The following ATXN1 variants were observed in gnomAD, a reference collection of about 807,000 sequenced individuals.
ATXN1 encodes the protein ataxin-1.
ATXN1 carries 8 observed loss-of-function variants against 56.4 expected under a neutral mutation model. That is an observed-to-expected ratio of 0.14 (90% CI 0.08 to 0.26). The LOEUF (loss-of-function observed/expected upper bound fraction) is 0.26, where lower values mean the gene tolerates loss of function less well. Among genes scored for constraint, ATXN1 ranks in the 10% least tolerant of loss-of-function variants. The pLI is 1.00. For synonymous variants in ATXN1, 514 were observed against 494.6 expected (o/e 1.04, Z -0.52); for missense variants, 987 against 1,106.5 (o/e 0.89, Z 1.53).
At chr6:16,513,777 T>C (rs1410065878) in intron 5 of ATXN1, among the ~76,000 whole-genome samples, 1 of 152,058 alleles carries the variant, frequency 6.6e-6, no homozygotes, top group African/African-American at 2.4e-5. Flanking sequence ...AAGGGTAGCC[T>C]AGGGCATGGG....
At chr6:16,714,188 CACACACA>C (rs777752117) in intron 2 of ATXN1, among the ~76,000 whole-genome samples, 21,555 of 123,580 alleles carry the variant, frequency 0.17, 1,952 homozygotes, top group Non-Finnish European at 0.22. Flanking sequence ...ACACCACACA[CACACACA>C]CACACACACA....
intron 5 of ATXN1, 120 bp from the exon 6 acceptor site, chr6:16,486,229 T>G (rs1410292379): frequency 1.3e-5 from 2 of 152,314 alleles, no homozygotes; most frequent in Middle Eastern, 3.4e-3. Context: ...CCAAAGACCA[T>G]TTTCTTAAAA....
At chr6:16,351,968 A>C (rs1045590499) in intron 6 of ATXN1, among the ~76,000 whole-genome samples, 6 of 152,230 alleles carry the variant, frequency 3.9e-5, no homozygotes, top group Non-Finnish European at 7.3e-5. Flanking sequence ...CTTTGCTAAA[A>C]TATAAATAAG....
intron 4 of ATXN1, among the ~76,000 whole-genome samples, chr6:16,555,292 G>C (rs1761990620): frequency 1.3e-5 from 2 of 152,134 alleles, no homozygotes; most frequent in Non-Finnish European, 2.9e-5. Context: ...AGCCCCATGT[G>C]AGGTGCTAGA....
chr6:16,675,546 A>G (rs1758642670), intron 2 of ATXN1, among the ~76,000 whole-genome samples: 1 of 152,144 alleles, frequency 6.6e-6, no homozygotes, highest in Non-Finnish European at 1.5e-5. Context: ...AGGAGCAGGG[A>G]AAGTTTTTTC....
At position 16,358,298 on chromosome 6, in the gene ATXN1, T is replaced by C. The variant is rs150887341; in HGVS notation, c.-160-29828A>G. On this transcript the variant is annotated intron_variant, in intron 6 of 7. Coordinates refer to ENST00000436367, the MANE Select transcript of ATXN1 (RefSeq NM_001128164.2). ...GTAGAACTACCATTTGATCCAACAA[T>C]CCCACTACTGGGTATCTACCCAGAG... Among the ~76,000 whole-genome samples, 637 of 152,186 alleles carry C rather than the reference T, an allele frequency of 4.2e-3. 5 individuals carry two copies. The highest frequency in any genetic ancestry group is 0.014 in the African/African-American group (582 of 41,528).
intron 2 of ATXN1, among the ~76,000 whole-genome samples, chr6:16,714,163 G>GA (rs72118488): frequency 6.2e-4 from 79 of 128,232 alleles, no homozygotes; most frequent in South Asian, 1.8e-3. Flanking sequence ...AAAAAAGAAA[G>GA]AAAAAAAAAA....
chr6:16,330,251 C>A (rs1007412846), intron 6 of ATXN1, among the ~76,000 whole-genome samples: 1 of 151,990 alleles, frequency 6.6e-6, no homozygotes, highest in South Asian at 2.1e-4. Flanking sequence ...AATAAAGTAG[C>A]GGCCTTCAGC....
At chr6:16,368,313 A>C (rs1274834264) in intron 6 of ATXN1, among the ~76,000 whole-genome samples, 1 of 147,490 alleles carries the variant, frequency 6.8e-6, no homozygotes, top group African/African-American at 2.5e-5. Flanking sequence ...AGAAAAATAA[A>C]TGTCTATTTC....
chr6:16,522,289 T>A (rs1185700632), intron 5 of ATXN1, among the ~76,000 whole-genome samples: 1 of 152,076 alleles, frequency 6.6e-6, no homozygotes, highest in Non-Finnish European at 1.5e-5. Context: ...ACTGGATGGT[T>A]CCCCCTTGCC....
At chr6:16,621,548 C>T (rs1763320825) in intron 3 of ATXN1, among the ~76,000 whole-genome samples, 1 of 152,104 alleles carries the variant, frequency 6.6e-6, no homozygotes, top group Non-Finnish European at 1.5e-5. Context: ...ATGGAGAATG[C>T]CGTCTCTACT....
intron 3 of ATXN1, among the ~76,000 whole-genome samples, chr6:16,608,075 T>C (rs572352489): frequency 1.2e-4 from 18 of 152,218 alleles, no homozygotes; most frequent in African/African-American, 2.2e-4. Context: ...CTGAATGACA[T>C]TGGAGTGGGA....
chr6:16,739,596 G>A, intron 2 of ATXN1: 1 of 310,082 alleles, frequency 3.2e-6, no homozygotes, highest in Non-Finnish European at 6.7e-6. Context: ...ATGACAAAAG[G>A]TGTGTAGCTG....
intron 5 of ATXN1, among the ~76,000 whole-genome samples, chr6:16,513,675 T>A (rs1309798628): frequency 6.6e-6 from 1 of 152,100 alleles, no homozygotes; most frequent in Admixed American, 6.5e-5. Context: ...TGGGGTCCTA[T>A]GCCTTGCTGG....
At chr6:16,694,312 T>G (rs1285551187) in intron 2 of ATXN1, among the ~76,000 whole-genome samples, 2 of 148,320 alleles carry the variant, frequency 1.3e-5, no homozygotes, top group African/African-American at 5.0e-5. Context: ...AGTGCAGTGG[T>G]GTGATCTTGG....
At chr6:16,513,928 C>T (rs1026943651) in intron 5 of ATXN1, among the ~76,000 whole-genome samples, 1 of 152,184 alleles carries the variant, frequency 6.6e-6, no homozygotes, top group Non-Finnish European at 1.5e-5. Context: ...CTCCCAGTAG[C>T]ATCTTTCCTG....
intron 6 of ATXN1, among the ~76,000 whole-genome samples, chr6:16,336,364 G>A (rs1036179889): frequency 4.6e-5 from 7 of 152,136 alleles, no homozygotes; most frequent in African/African-American, 1.7e-4. Context: ...AGATGTCTAG[G>A]GGACCTCTGC....
At chr6:16,700,859 C>A (rs962686237) in intron 2 of ATXN1, among the ~76,000 whole-genome samples, 2 of 151,852 alleles carry the variant, frequency 1.3e-5, no homozygotes, top group African/African-American at 4.8e-5. Context: ...AAGTGGAAAA[C>A]AGATCTTAAG....
intron 2 of ATXN1, among the ~76,000 whole-genome samples, chr6:16,693,352 C>T (rs763397505): frequency 2.6e-5 from 4 of 152,172 alleles, no homozygotes; most frequent in Non-Finnish European, 4.4e-5. Flanking sequence ...ATACCAGCGG[C>T]CTTGCTTCCT....
Sources: gnomAD v4.1 joint callset for allele counts (sites outside exome capture counted in the v4.1 genomes callset) on GRCh38, gnomAD v4.1.1 for gene constraint, MANE v1.5 for transcripts, NCBI Gene and HGNC (gene_info 2026-07-23, HGNC 2026-07-21) for gene names.